The following PPP1R13L variants were observed in gnomAD, a reference collection of about 807,000 sequenced individuals.
PPP1R13L encodes protein phosphatase 1 regulatory subunit 13 like.
PPP1R13L carries 50 observed loss-of-function variants against 80.9 expected under a neutral mutation model. The ratio of observed to expected loss-of-function variants is 0.62; its 90% confidence interval spans 0.49 to 0.78. The LOEUF (loss-of-function observed/expected upper bound fraction) is 0.78, where lower values mean the gene tolerates loss of function less well. Among genes scored for constraint, PPP1R13L ranks in the 30% least tolerant of loss-of-function variants. PPP1R13L has a pLI of 0.00. For synonymous variants in PPP1R13L, 602 were observed against 534.3 expected (o/e 1.13, Z -1.75); for missense variants, 1,200 against 1,205.9 (o/e 1.00, Z 0.07).
At chr19:45,397,472 C>CTCTTTCTT (rs71173161) in intron 3 of PPP1R13L, among the ~76,000 whole-genome samples, 5,600 of 83,174 alleles carry the variant, frequency 0.067, 270 homozygotes, top group African/African-American at 0.12. Context: ...TTCTCTCTCT[C>CTCTTTCTT]TCTTTCTTTC....
chr19:45,397,004 G>C lies in PPP1R13L; in HGVS notation c.253C>G (p.Pro85Ala), dbSNP rs1204997289. 2.2e-6 allele frequency: 3 copies of C among 1,375,644 alleles called. No individual in the cohort carries two copies. The highest frequency in any genetic ancestry group is 2.8e-6 in the Non-Finnish European group (3 of 1,066,552). The allele number at this position is 1,375,644 out of a possible 1,614,324, so 85.2% of individuals were successfully genotyped here. ...GCGCCGTCGGTGGCCGCCTTCCGGGGGGACCCTCGGCTGCCGAAGGGCTCA... is the reference window on the plus strand; with the variant it reads ...GCGCCGTCGGTGGCCGCCTTCCGGGCGGACCCTCGGCTGCCGAAGGGCTCA... ...IPEPFGSRGSPRKAATDGADT... is the reference protein window; with the variant it reads ...IPEPFGSRGSARKAATDGADT... Residue 85 changes from proline to alanine, a missense_variant, in exon 4 of 13, where the codon CCC (proline) becomes GCC (alanine). Pro to Ala is a conservative substitution (Grantham distance 27). Around this residue, in one of 5 missense-constraint regions of PPP1R13L, gnomAD observed 764 missense variants for 714.5 expected, o/e 1.07. Transcript: ENST00000360957.
intron 1 of PPP1R13L, among the ~76,000 whole-genome samples, chr19:45,400,419 G>T (rs971620664): frequency 6.6e-6 from 1 of 151,772 alleles, no homozygotes; most frequent in African/African-American, 2.4e-5. Context: ...AGCTCTGGCA[G>T]TATAGGCAGC....
At chr19:45,393,632 T>C in intron 7 of PPP1R13L, among the ~76,000 whole-genome samples, 1 of 151,930 alleles carries the variant, frequency 6.6e-6, no homozygotes, top group East Asian at 1.9e-4. Flanking sequence ...CCCAGCACTT[T>C]GGGAGGCCGA....
rs1973083562 is a variant in PPP1R13L at position 45,396,107 on chromosome 19, G to T, written c.903+61C>A. 2 of 1,516,566 alleles carry T rather than the reference G, an allele frequency of 1.3e-6. No individual in the cohort carries two copies. The highest frequency in any genetic ancestry group is 2.5e-5 in the East Asian group (1 of 40,786). The allele number at this position is 1,516,566 out of a possible 1,614,324, so 93.9% of individuals were successfully genotyped here. A position where few individuals can be genotyped will look rare whatever the true frequency, so the allele number is the denominator to read the frequency against. On this transcript the variant is annotated intron_variant, in intron 6 of 12. Transcript: ENST00000360957. This position sits in a 1 kb window ranked among gnomAD's most constrained non-coding sequence, Gnocchi z 5.3. ...CGAGGGGGAGACTGGCCTTGACCCC[G>T]CTCCCCCACCCCACTCCTCGACCTT...
chr19:45,398,800 C>T (rs1412867164), intron 1 of PPP1R13L, among the ~76,000 whole-genome samples: 1 of 147,242 alleles, frequency 6.8e-6, no homozygotes, highest in Non-Finnish European at 1.5e-5. Flanking sequence ...CCGGCCGTGT[C>T]CATCTCTTTA....
Position 45,395,685 on chromosome 19 carries a change from G to C in PPP1R13L, c.1105C>G (p.Pro369Ala). 1 of 1,398,254 alleles carries C rather than the reference G, an allele frequency of 7.2e-7. No homozygotes were observed. Among genetic ancestry groups the C allele is most frequent in the Non-Finnish European group, 9.3e-7 (1 of 1,080,444 alleles). The allele number at this position is 1,398,254 out of a possible 1,614,324, so 86.6% of individuals were successfully genotyped here. A position where few individuals can be genotyped will look rare whatever the true frequency, so the allele number is the denominator to read the frequency against. Residue 369 changes from proline (P) to alanine (A), a missense_variant, in exon 7 of 13, where the codon CCC becomes GCC. By Grantham distance (27) the Pro-to-Ala change is conservative. This residue lies in a region of PPP1R13L where 764 missense variants were observed against 714.5 expected (regional missense o/e 1.07). Transcript: ENST00000360957. The stretch of plus-strand genomic sequence containing the variant: ...TTGAAGATCATGCTGAGGGGGATGG[G>C]ACGCTGGCGCGGGGCCCCGCGGGGC... ...PQPRGAPRQR[P>A]IPLSMIFKLQ...
In PPP1R13L at chr19:45,386,123, G is replaced by T; in HGVS notation, c.1873C>A (p.Leu625Ile). 1 of 1,549,520 alleles carries T rather than the reference G, an allele frequency of 6.5e-7. No individual in the cohort carries two copies. The highest frequency in any genetic ancestry group is 2.3e-5 in the East Asian group (1 of 43,572). The stretch of plus-strand genomic sequence containing the variant: ...TCCAGGAGGAGCACCAGAGGGTTGA[G>T]GCGCGCGCGGCGGGCCTTGCGCGGG... ...GSPRKARRAR[L>I]NPLVLLLDAA... Residue 625 changes from leucine (L) to isoleucine (I), a missense_variant, in exon 9 of 13, where the codon CTC becomes ATC. Coordinates refer to ENST00000360957, the MANE Select transcript of PPP1R13L (RefSeq NM_006663.4).
In PPP1R13L at chr19:45,382,636, C is replaced by A. The variant is rs748220357; in HGVS notation, c.2339G>T (p.Arg780Leu). 1.2e-6 allele frequency: 2 copies of A among 1,613,868 alleles called. No homozygotes were observed. Among genetic ancestry groups the A allele is most frequent in the Admixed American group, 1.7e-5 (1 of 60,026 alleles). Residue 780 changes from arginine (R) to leucine (L), a missense_variant, in exon 12 of 13, where the codon CGC becomes CTC. This residue lies in a region of PPP1R13L where 165 missense variants were observed against 177.1 expected (regional missense o/e 0.93). Transcript: ENST00000360957. Reference protein sequence around the residue: ...SAEFGDELSFREGESVTVLRR... With the variant: ...SAEFGDELSFLEGESVTVLRR... ...CAGCACGGTGACCGACTCGCCCTCGCGGAAGGACAGCTCGTCCCCGAACTC... is the reference window on the plus strand; with the variant it reads ...CAGCACGGTGACCGACTCGCCCTCGAGGAAGGACAGCTCGTCCCCGAACTC...
intron 1 of PPP1R13L, among the ~76,000 whole-genome samples, chr19:45,403,274 C>G (rs1458012642): frequency 6.6e-6 from 1 of 152,174 alleles, no homozygotes; most frequent in Non-Finnish European, 1.5e-5. Flanking sequence ...GGTCTGGCAA[C>G]AGAGTGAGGG....
chr19:45,385,373 C>T (rs1972843722), intron 11 of PPP1R13L, among the ~76,000 whole-genome samples, 189 bp downstream of exon 11: 1 of 152,246 alleles, frequency 6.6e-6, no homozygotes, highest in Admixed American at 6.5e-5. Context: ...TCCATGTCCC[C>T]TTTTCCCTTA....
Position 45,379,843 on chromosome 19 carries a change from C to T in PPP1R13L, c.*347G>A. The T allele has an allele frequency of 4.3e-6, 1 of 233,468 alleles. No homozygotes were observed. Among genetic ancestry groups the T allele is most frequent in the Non-Finnish European group, 8.5e-6 (1 of 118,000 alleles). The allele number at this position is 233,468 out of a possible 1,614,324, so 14.5% of individuals were successfully genotyped here. On this transcript the variant is annotated 3_prime_UTR_variant, in exon 13 of 13. Coordinates refer to ENST00000360957, the MANE Select transcript of PPP1R13L (RefSeq NM_006663.4). ...AGGAATATCCAGTGGTGTGGTGGCC[C>T]ATCCCAGGCCCGGCTGGGCAGGTGG... is the stretch of plus-strand genomic sequence containing the variant.
In PPP1R13L at chr19:45,382,645, A is replaced by G; in HGVS notation, c.2330T>C (p.Leu777Pro). ...WDYSAEFGDE[L>P]SFREGESVTV... is the part of the protein sequence containing the mutation. ...GACCGACTCGCCCTCGCGGAAGGAC[A>G]GCTCGTCCCCGAACTCGGCGCTGTA... The change falls in exon 12 of 13, where the codon CTG becomes CCG. Residue 777 changes from leucine (L) to proline (P), a missense_variant. Around this residue, in one of 5 missense-constraint regions of PPP1R13L, gnomAD observed 165 missense variants for 177.1 expected, o/e 0.93. Coordinates refer to ENST00000360957, the MANE Select transcript of PPP1R13L (RefSeq NM_006663.4). 2.5e-6 allele frequency: 4 copies of G among 1,613,900 alleles called. No homozygotes were observed. The highest frequency in any genetic ancestry group is 3.4e-6 in the Non-Finnish European group (4 of 1,180,042).
chr19:45,405,355 C>A (rs1273856469), upstream of PPP1R13L, among the ~76,000 whole-genome samples: 4 of 152,208 alleles, frequency 2.6e-5, no homozygotes. Flanking sequence ...CTTGCCCCAC[C>A]CCTTCAGGCG....
At chr19:45,391,767 C>T in intron 8 of PPP1R13L, 113 bp downstream of exon 8, 1 of 811,598 alleles carries the variant, frequency 1.2e-6, no homozygotes, top group Non-Finnish European at 1.7e-6. Flanking sequence ...GACTTCTACT[C>T]AAAAGAGGAG....
intron 8 of PPP1R13L, among the ~76,000 whole-genome samples, chr19:45,391,072 C>T (rs1201249026): frequency 6.6e-6 from 1 of 151,988 alleles, no homozygotes; most frequent in African/African-American, 2.4e-5. Flanking sequence ...GTGGCATACA[C>T]TTATAATCCC....
At chr19:45,395,287 C>A in intron 7 of PPP1R13L, 149 bp downstream of exon 7, 1 of 1,138,846 alleles carries the variant, frequency 8.8e-7, no homozygotes, top group Non-Finnish European at 1.3e-6. Flanking sequence ...TACCCAAATT[C>A]CCAAACTCAC....
intron 1 of PPP1R13L, among the ~76,000 whole-genome samples, chr19:45,399,691 C>A (rs1973194144): frequency 6.6e-6 from 1 of 151,794 alleles, no homozygotes; most frequent in Non-Finnish European, 1.5e-5. Flanking sequence ...CGGTGGTTCA[C>A]TCCTGTAACC....
At chr19:45,401,177 C>A (rs1029111008) in intron 1 of PPP1R13L, among the ~76,000 whole-genome samples, 8 of 151,256 alleles carry the variant, frequency 5.3e-5, no homozygotes, top group Non-Finnish European at 8.9e-5. Context: ...CACGGTGAAA[C>A]CCTGTCTCTA....
chr19:45,384,133 T>G (rs530464054), intron 11 of PPP1R13L, among the ~76,000 whole-genome samples: 143 of 150,396 alleles, frequency 9.5e-4, no homozygotes, highest in African/African-American at 3.3e-3. Flanking sequence ...GCTGCGGGAG[T>G]GCAGTGGTGA....
Sources: gnomAD v4.1 joint callset for allele counts (sites outside exome capture counted in the v4.1 genomes callset) on GRCh38, gnomAD v4.1.1 for gene constraint, gnomAD v4.1.1 regional missense constraint, Gnocchi (gnomAD v3.1) non-coding constraint, MANE v1.5 for transcripts, NCBI Gene and HGNC (gene_info 2026-07-23, HGNC 2026-07-21) for gene names.